The following INF2 variants were observed in gnomAD, a reference collection of about 807,000 sequenced individuals.
INF2 encodes inverted formin-2.
INF2 carries 43 observed loss-of-function variants against 123.5 expected under a neutral mutation model. That is an observed-to-expected ratio of 0.35 (90% CI 0.27 to 0.45). The LOEUF (loss-of-function observed/expected upper bound fraction) is 0.45. Ranked by LOEUF, INF2 falls within the 20% of genes least tolerant of loss-of-function variation. The pLI, the probability that INF2 is intolerant of heterozygous loss-of-function variation, is 1.00. For synonymous variants in INF2, 851 were observed against 745.0 expected, an observed-to-expected ratio of 1.14 and a Z score of -2.32; for missense variants, 1,453 against 1,682.7, an observed-to-expected ratio of 0.86 and a Z score of 2.39.
intron 21 of INF2, 142 bp from the exon 22 acceptor site, chr14:104,715,142 A>C: frequency 3.5e-6 from 3 of 853,512 alleles, no homozygotes; most frequent in Non-Finnish European, 5.9e-6. Context: ...AGTGGCTGCC[A>C]TGTGGCTTAG....
chr14:104,707,479 C>T lies in INF2; in HGVS notation c.1212C>T (p.Ser404=). ...CCGTGGACCACGCCCAGAGTGAGAG[C>T]ATCCTGAAAGTTTCGCAGCCCAGAG... The part of the protein sequence containing the change: ...CEPVDHAQSE[S]ILKVSQPRAL... Residue 404 remains serine, a synonymous_variant, in exon 8 of 23, where the codon AGC becomes AGT. Transcript: ENST00000392634. 6.4e-7 allele frequency: 1 copy of T among 1,551,428 alleles called. No individual in the cohort carries two copies. Among genetic ancestry groups the T allele is most frequent in the Non-Finnish European group, 8.7e-7 (1 of 1,148,008 alleles).
upstream of INF2, among the ~76,000 whole-genome samples, chr14:104,686,806 G>C (rs1180193462): frequency 1.3e-5 from 2 of 152,166 alleles, no homozygotes; most frequent in Admixed American, 6.5e-5. Context: ...CATCAGGCTG[G>C]GAGGATTTCT....
rs387907035 is a variant in INF2 at position 104,701,676 on chromosome 14, G to T, written c.311G>T (p.Cys104Phe). 1.3e-6 allele frequency: 2 copies of T among 1,584,098 alleles called. No individual in the cohort carries two copies. The change falls in exon 2 of 23, where the codon TGC (cysteine) becomes TTC (phenylalanine). Residue 104 changes from cysteine (C) to phenylalanine (F), a missense_variant. This residue lies in a region of INF2 where 251 missense variants were observed against 349.4 expected (regional missense o/e 0.72). Coordinates refer to ENST00000392634, the MANE Select transcript of INF2 (RefSeq NM_022489.4). Reference sequence around the variant, plus strand: ...CTGCTGCAGCTCACCTGCGTCAGCTGCGTGCGCGCCGTCATGAACTCGCGG... The same window carrying T: ...CTGCTGCAGCTCACCTGCGTCAGCTTCGTGCGCGCCGTCATGAACTCGCGG... ...DALLQLTCVS[C>F]VRAVMNSRQG...
rs1890143462 is a variant in INF2, at chr14:104,713,308, T to C, written c.2877T>C (p.Pro959=). Residue 959 remains proline, a splice_region_variant and synonymous_variant, in exon 19 of 23, where the codon CCT becomes CCC. Coordinates refer to ENST00000392634, the MANE Select transcript of INF2 (RefSeq NM_022489.4). Reference sequence around the variant, plus strand: ...GGCCTCGGGGAGAGGACGGGAAGCCTGGTGAGGCTGGGCCGGCTGGGCGGG... The same window carrying C: ...GGCCTCGGGGAGAGGACGGGAAGCCCGGTGAGGCTGGGCCGGCTGGGCGGG... The part of the protein sequence containing the change: ...ARRPRGEDGK[P]VRKGPGKQEE... 1.3e-6 allele frequency: 2 copies of C among 1,550,666 alleles called. No homozygotes were observed. The highest frequency in any genetic ancestry group is 3.9e-5 in the Admixed American group (2 of 51,036).
chr14:104,704,299 C>A, intron 5 of INF2: 1 of 687,470 alleles, frequency 1.5e-6, no homozygotes, highest in Non-Finnish European at 2.2e-6. Context: ...CAGGGTGGTT[C>A]ACGTGGACGC....
At position 104,681,700 on chromosome 14, in the gene INF2, G is replaced by A. The variant is rs975256704; in HGVS notation, c.-104+118G>A. On this transcript the variant is annotated intron_variant, in intron 1 of 2. Coordinates refer to the INF2 transcript ENST00000674723. ...AGGAGGCACAGGCCCCTGAGGTCCC[G>A]GAGGGCAGCACGCTGGTGCAGAGCC... The A allele has an allele frequency of 5.7e-5, 47 of 821,716 alleles. 1 individual carries two copies. Among genetic ancestry groups the A allele is most frequent in the South Asian group, 2.0e-4 (13 of 64,620 alleles). 50.9% of individuals were successfully genotyped at this position (821,716 alleles called of 1,614,324 possible).
At position 104,707,596 on chromosome 14, in the gene INF2, A is replaced by AC. The variant is rs1278804782; in HGVS notation, c.1336dup (p.Leu446ProfsTer7). 1 of 503,878 alleles carries AC rather than the reference A, an allele frequency of 2.0e-6. No individual in the cohort carries two copies. The highest frequency in any genetic ancestry group is 2.8e-6 in the Non-Finnish European group (1 of 361,206). 31.2% of individuals were successfully genotyped at this position (503,878 alleles called of 1,614,324 possible). Reference sequence around the variant, plus strand: ...CCGAGCCCCCTCCCCCTCCCCCACCACCCCCCCTGCCCAGTGTGGGGGCTA... The same window carrying AC: ...CCGAGCCCCCTCCCCCTCCCCCACCACCCCCCCCTGCCCAGTGTGGGGGCTA... On this transcript the variant is annotated frameshift_variant, in exon 8 of 23. Transcript: ENST00000392634. LOFTEE classifies it high-confidence loss of function.
At chr14:104,700,101 G>A (rs1163365328) in intron 1 of INF2, among the ~76,000 whole-genome samples, 1 of 152,284 alleles carries the variant, frequency 6.6e-6, no homozygotes, top group East Asian at 1.9e-4. Flanking sequence ...GGAGGCAGGC[G>A]CTTGGGTGCT....
chr14:104,712,374 G>C, intron 16 of INF2, 59 bp from the exon 17 acceptor site: 2 of 1,606,830 alleles, frequency 1.2e-6, no homozygotes, highest in Middle Eastern at 3.5e-4. Context: ...GGGCTCCCCT[G>C]TCCCAGCGAG....
Position 104,707,706 on chromosome 14 carries a change from T to G in INF2, c.1439T>G (p.Leu480Arg). The change falls in exon 8 of 23, where the codon CTG (leucine) becomes CGG (arginine). Residue 480 changes from leucine to arginine, a missense_variant. This residue lies in a region of INF2 where 374 missense variants were observed against 303.7 expected (regional missense o/e 1.23). Coordinates refer to ENST00000392634, the MANE Select transcript of INF2 (RefSeq NM_022489.4). ...CCAGCACCTCCTCTACCACCACCCC[T>G]GCCAGGCTCCTGTGAGTTCCTGCCC... ...APPAPPLPPPLPGSCEFLPPP... is the reference protein window; with the variant it reads ...APPAPPLPPPRPGSCEFLPPP... 1 of 755,656 alleles carries G rather than the reference T, an allele frequency of 1.3e-6. No homozygotes were observed. Among genetic ancestry groups the G allele is most frequent in the Non-Finnish European group, 1.8e-6 (1 of 559,436 alleles). 46.8% of individuals were successfully genotyped at this position (755,656 alleles called of 1,614,324 possible).
intron 1 of INF2, among the ~76,000 whole-genome samples, chr14:104,691,806 G>A (rs1162803565): frequency 6.6e-6 from 1 of 152,160 alleles, no homozygotes; most frequent in Non-Finnish European, 1.5e-5. Context: ...TTCCACTCCT[G>A]CCAGCCTCAC....
rs906135601 is a variant in INF2, at chr14:104,709,564, C to T, written c.2053-56C>T. Reference sequence around the variant, plus strand: ...GAGGGGCTGAGCCCGGCGGGCAGTCCGGGAGGGCGGGAAGCTGGCATGGGG... The same window carrying T: ...GAGGGGCTGAGCCCGGCGGGCAGTCTGGGAGGGCGGGAAGCTGGCATGGGG... On this transcript the variant is annotated intron_variant, in intron 11 of 22. Coordinates refer to ENST00000392634, the MANE Select transcript of INF2 (RefSeq NM_022489.4). 1.8e-5 allele frequency: 27 copies of T among 1,528,636 alleles called. 1 individual carries two copies. In the East Asian group the frequency reaches 2.5e-4, roughly 14 times the overall value. The allele number at this position is 1,528,636 out of a possible 1,614,324, so 94.7% of individuals were successfully genotyped here. A position where few individuals can be genotyped will look rare whatever the true frequency, so the allele number is the denominator to read the frequency against.
chr14:104,705,345 A>G (rs1002568924), intron 5 of INF2, among the ~76,000 whole-genome samples: 1 of 151,960 alleles, frequency 6.6e-6, no homozygotes, highest in Non-Finnish European at 1.5e-5. Context: ...GGATCCCAGG[A>G]GGTAGAAGTT....
At chr14:104,682,194 T>C (rs1258522760) in intron 1 of INF2, among the ~76,000 whole-genome samples, 2 of 152,132 alleles carry the variant, frequency 1.3e-5, no homozygotes, top group African/African-American at 4.8e-5. Context: ...AAGGGAACGC[T>C]GTGCCGGGCG....
intron 11 of INF2, 114 bp from the exon 12 acceptor site, chr14:104,709,506 A>G: frequency 1.6e-6 from 2 of 1,284,424 alleles, no homozygotes; most frequent in Non-Finnish European, 2.3e-6. Flanking sequence ...TCTGCCCTGA[A>G]CCGTGAGCCA....
chr14:104,714,824 G>C lies in INF2; in HGVS notation c.3662G>C (p.Arg1221Pro), dbSNP rs754128326. 4.4e-6 allele frequency: 7 copies of C among 1,593,452 alleles called. No individual in the cohort carries two copies. The highest frequency in any genetic ancestry group is 2.3e-5 in the East Asian group (1 of 44,296). Reference protein sequence around the residue: ...RGRASKGTGKRRKKRPSRSQE... With the variant: ...RGRASKGTGKPRKKRPSRSQE... ...CGGGCCTCAAAGGGGACCGGGAAGC[G>C]AAGGAAGAAGCGTCCCTCCAGGAGC... is the stretch of plus-strand genomic sequence containing the variant. The change falls in exon 21 of 23, where the codon CGA becomes CCA. Residue 1221 changes from arginine to proline, a missense_variant. This residue lies in a region of INF2 where 344 missense variants were observed against 333.1 expected (regional missense o/e 1.03). Coordinates refer to ENST00000392634, the MANE Select transcript of INF2 (RefSeq NM_022489.4).
At position 104,714,995 on chromosome 14, in the gene INF2, C is replaced by T. The variant is rs564314512; in HGVS notation, c.3694+139C>T. On this transcript the variant is annotated intron_variant, in intron 21 of 22. Transcript: ENST00000392634. ...CTTGGGTGCGGCACGGGAGAGGAGG[C>T]GGCAGTGCGTCCACCGCAGGGCGGC... The T allele has an allele frequency of 1.8e-4, 167 of 942,804 alleles. 2 individuals are homozygous for T. The highest frequency in any genetic ancestry group is 7.1e-4 in the South Asian group (41 of 57,514). 58.4% of individuals were successfully genotyped at this position (942,804 alleles called of 1,614,324 possible). A position where few individuals can be genotyped will look rare whatever the true frequency, so the allele number is the denominator to read the frequency against.
chr14:104,715,210 A>G, intron 21 of INF2, 74 bp from the exon 22 acceptor site: 1 of 1,466,606 alleles, frequency 6.8e-7, no homozygotes, highest in East Asian at 2.3e-5. Context: ...CGGGCCCCCC[A>G]GCCCCACCCA....
In INF2 at chr14:104,704,308, G is replaced by A. The variant is rs770611164; in HGVS notation, c.701+359G>A. 107 of 603,328 alleles carry A rather than the reference G, an allele frequency of 1.8e-4. 2 individuals carry two copies. The highest frequency in any genetic ancestry group is 3.7e-5 in the Admixed American group (1 of 26,676). 37.4% of individuals were successfully genotyped at this position (603,328 alleles called of 1,614,324 possible). On this transcript the variant is annotated intron_variant, in intron 5 of 22. Coordinates refer to ENST00000392634, the MANE Select transcript of INF2 (RefSeq NM_022489.4). ...GAACTACAGGGTGGTTCACGTGGAC[G>A]CAAGATGGAGACAGGGACACGGGCT...
Sources: allele counts gnomAD v4.1 joint callset (sites outside exome capture counted in the v4.1 genomes callset), GRCh38; gene constraint gnomAD v4.1.1; regional missense constraint gnomAD v4.1.1; transcripts MANE v1.5; gene names NCBI Gene and HGNC (gene_info 2026-07-23, HGNC 2026-07-21).